UBE2G1: variants seen among roughly 807,000 people sequenced by gnomAD.
The protein encoded by UBE2G1 is ubiquitin conjugating enzyme E2 G1, also known as ubiquitin-conjugating enzyme E2 G1.
UBE2G1 carries 5 observed loss-of-function variants against 22.7 expected under a neutral mutation model. The observed-to-expected ratio is 0.22, with a 90% CI of 0.12 to 0.46. The LOEUF (loss-of-function observed/expected upper bound fraction) is 0.46, where lower values mean the gene tolerates loss of function less well. UBE2G1 is among the 20% of genes least tolerant of loss of function. The pLI, the probability that UBE2G1 is intolerant of heterozygous loss-of-function variation, is 0.99. For missense variants in UBE2G1, 88 were observed against 203.9 expected, an observed-to-expected ratio of 0.43 and a Z score of 3.46; for synonymous variants, 74 against 67.5, an observed-to-expected ratio of 1.10 and a Z score of -0.47.
Position 4,366,418 on chromosome 17 carries a change from C to G in UBE2G1, c.-102G>C. The G allele has an allele frequency of 8.2e-7, 1 of 1,219,328 alleles. No individual in the cohort carries two copies. Among genetic ancestry groups the G allele is most frequent in the Non-Finnish European group, 1.1e-6 (1 of 944,112 alleles). 75.5% of individuals were successfully genotyped at this position (1,219,328 alleles called of 1,614,324 possible). On this transcript the variant is annotated 5_prime_UTR_variant, in exon 1 of 6. Coordinates refer to ENST00000396981, the MANE Select transcript of UBE2G1 (RefSeq NM_003342.5). ...GGTGTGCCGAGGAACCCGGGCCCCGCGACCGGAGCGCCGGAGCCGAGGAAG... is the reference window on the plus strand; with the variant it reads ...GGTGTGCCGAGGAACCCGGGCCCCGGGACCGGAGCGCCGGAGCCGAGGAAG...
At chr17:4,325,056 G>A (rs1598194679) in intron 1 of UBE2G1, among the ~76,000 whole-genome samples, 1 of 151,428 alleles carries the variant, frequency 6.6e-6, no homozygotes, top group South Asian at 2.1e-4. Flanking sequence ...CAGCCTGGGG[G>A]ACAGAGCGAG....
At chr17:4,336,061 G>A (rs1392243266) in intron 1 of UBE2G1, among the ~76,000 whole-genome samples, 3 of 151,998 alleles carry the variant, frequency 2.0e-5, no homozygotes, top group East Asian at 1.9e-4. Flanking sequence ...CAGGAGAATC[G>A]CTTGAACCCG....
At chr17:4,298,436 C>T (rs1020825306) in intron 2 of UBE2G1, among the ~76,000 whole-genome samples, 7 of 152,176 alleles carry the variant, frequency 4.6e-5, no homozygotes, top group African/African-American at 1.7e-4. Context: ...GTTAGTGTTA[C>T]GAGATCTTTT....
chr17:4,358,163 C>T (rs9910193), intron 1 of UBE2G1, among the ~76,000 whole-genome samples: 5,392 of 152,120 alleles, frequency 0.035, 345 homozygotes, highest in African/African-American at 0.12. Context: ...TGATATCTTA[C>T]GGTGATTTCA....
intron 1 of UBE2G1, among the ~76,000 whole-genome samples, chr17:4,345,437 A>G (rs956324918): frequency 2.0e-5 from 3 of 152,244 alleles, no homozygotes; most frequent in Admixed American, 2.0e-4. Flanking sequence ...TCTGAAAGGC[A>G]CTTTTAAAAA....
chr17:4,297,896 G>A (rs1167692170), intron 2 of UBE2G1, among the ~76,000 whole-genome samples: 1 of 152,128 alleles, frequency 6.6e-6, no homozygotes, highest in Non-Finnish European at 1.5e-5. Flanking sequence ...AGATCAGTGA[G>A]AAATGAAATT....
chr17:4,365,481 C>T (rs1567533423), intron 1 of UBE2G1, among the ~76,000 whole-genome samples: 1 of 152,172 alleles, frequency 6.6e-6, no homozygotes, highest in African/African-American at 2.4e-5. Flanking sequence ...GGAGGCCGAC[C>T]CGGCCGCCGC....
At chr17:4,299,215 T>C (rs1442345070) in intron 2 of UBE2G1, among the ~76,000 whole-genome samples, 1 of 152,218 alleles carries the variant, frequency 6.6e-6, no homozygotes, top group African/African-American at 2.4e-5. Flanking sequence ...GTAAAGTATT[T>C]CTAATTATGG....
intron 2 of UBE2G1, among the ~76,000 whole-genome samples, chr17:4,299,083 C>CA (rs1969143531): frequency 1.3e-5 from 2 of 152,132 alleles, no homozygotes; most frequent in African/African-American, 2.4e-5. Flanking sequence ...GAGTCACTAT[C>CA]AAAGTTTTTT....
intron 1 of UBE2G1, among the ~76,000 whole-genome samples, chr17:4,351,332 C>T (rs1969842802): frequency 6.6e-6 from 1 of 152,156 alleles, no homozygotes; most frequent in African/African-American, 2.4e-5. Context: ...TATTGCTTCC[C>T]CAATAGCCAT....
chr17:4,349,736 G>A (rs929114004), intron 1 of UBE2G1, among the ~76,000 whole-genome samples: 3 of 151,036 alleles, frequency 2.0e-5, no homozygotes, highest in Admixed American at 1.3e-4. Flanking sequence ...CCAGCTACTC[G>A]GGAGGCTGAG....
chr17:4,359,973 C>G (rs548463206), intron 1 of UBE2G1, among the ~76,000 whole-genome samples: 10 of 151,764 alleles, frequency 6.6e-5, no homozygotes, highest in Admixed American at 1.3e-4. Flanking sequence ...ATCTTATTTC[C>G]TGAAACTACA....
chr17:4,337,336 A>G (rs996376257), intron 1 of UBE2G1, among the ~76,000 whole-genome samples: 4 of 150,508 alleles, frequency 2.7e-5, no homozygotes, highest in African/African-American at 9.8e-5. Flanking sequence ...AAAAAAAAGA[A>G]AAGAAAAGAA....
chr17:4,354,350 T>C lies in UBE2G1; in HGVS notation c.46+11921A>G, dbSNP rs117713971. ...AACAGCATCCCAATAGTACACAAAA[T>C]GGGCATCAAACTTGCTGATTTAAGA... On this transcript the variant is annotated intron_variant, in intron 1 of 5. Transcript: ENST00000396981. Among the ~76,000 whole-genome samples, 934 of 152,244 alleles carry C rather than the reference T, an allele frequency of 6.1e-3. 10 individuals carry two copies. Among genetic ancestry groups the C allele is most frequent in the Non-Finnish European group, 8.3e-3 (563 of 68,024 alleles).
intron 1 of UBE2G1, among the ~76,000 whole-genome samples, chr17:4,323,952 A>T (rs1969473353): frequency 6.6e-6 from 1 of 152,208 alleles, no homozygotes; most frequent in Non-Finnish European, 1.5e-5. Context: ...TAATCCAGGC[A>T]AGGATGATCA....
chr17:4,284,878 T>C (rs1292948064), intron 4 of UBE2G1, among the ~76,000 whole-genome samples: 1 of 141,270 alleles, frequency 7.1e-6, no homozygotes, highest in Non-Finnish European at 1.5e-5. Context: ...AGGGTCTCAC[T>C]CTGTTGCCTG....
intron 1 of UBE2G1, among the ~76,000 whole-genome samples, chr17:4,309,922 T>G (rs12603692): frequency 0.55 from 83,250 of 152,104 alleles, 26,019 homozygotes; most frequent in East Asian, 0.8. Flanking sequence ...CCCCAAGTTC[T>G]TGAAATCTTT....
intron 2 of UBE2G1, chr17:4,302,047 AGG>A: frequency 2.0e-6 from 1 of 491,148 alleles, no homozygotes; most frequent in South Asian, 1.5e-5. Flanking sequence ...CAACAAAAAA[AGG>A]GGGGGGAAGT....
chr17:4,281,202 T>G (rs1232501967), intron 5 of UBE2G1, among the ~76,000 whole-genome samples: 1 of 152,172 alleles, frequency 6.6e-6, no homozygotes, highest in African/African-American at 2.4e-5. Flanking sequence ...ATTTACCCAG[T>G]GTAATAGCAC....
Sources: allele counts gnomAD v4.1 joint callset (sites outside exome capture counted in the v4.1 genomes callset), GRCh38; gene constraint gnomAD v4.1.1; transcripts MANE v1.5; gene names NCBI Gene and HGNC (gene_info 2026-07-23, HGNC 2026-07-21).